Variants in VTCN1 observed in about 807,000 individuals in gnomAD.
VTCN1 encodes the protein V-set domain containing T cell activation inhibitor 1.
In VTCN1, 26 loss-of-function variants were observed where a neutral mutation model predicts 26.5. That is an observed-to-expected ratio of 0.98 (90% CI 0.72 to 1.36). VTCN1 has a LOEUF of 1.36. Ranked by LOEUF, VTCN1 falls within the 40% of genes most tolerant of loss-of-function variation. The pLI is 0.00. For synonymous variants in VTCN1, 116 were observed against 130.7 expected, an observed-to-expected ratio of 0.89 and a Z score of 0.77; for missense variants, 298 against 337.7, an observed-to-expected ratio of 0.88 and a Z score of 0.92.
chr1:117,170,535 C>T (rs1329197007), intron 1 of VTCN1, among the ~76,000 whole-genome samples: 3 of 152,126 alleles, frequency 2.0e-5, no homozygotes, highest in Non-Finnish European at 4.4e-5. Context: ...CCCAGCCTTC[C>T]CTGAGCATCA....
chr1:117,198,517 C>G (rs184203424), intron 1 of VTCN1, among the ~76,000 whole-genome samples: 2 of 152,320 alleles, frequency 1.3e-5, no homozygotes, highest in East Asian at 1.9e-4. Context: ...ACATTTGGCT[C>G]CAGTGGCTGC....
intron 4 of VTCN1, among the ~76,000 whole-genome samples, chr1:117,150,522 TA>T (rs972821885): frequency 6.6e-6 from 1 of 152,228 alleles, no homozygotes; most frequent in Non-Finnish European, 1.5e-5. Context: ...TACAGGCAAC[TA>T]ATAATCCTAA....
rs1652668692 is a variant in VTCN1, at chr1:117,167,289, C to T, written c.97+2818G>A. The stretch of plus-strand genomic sequence containing the variant: ...TTATAACTTTATTCCATGTAACCAT[C>T]ATCACACCAAGAAATAGAACCTTAC... On this transcript the variant is annotated intron_variant, in intron 2 of 5. Coordinates refer to ENST00000369458, the MANE Select transcript of VTCN1 (RefSeq NM_024626.4). The surrounding 1 kb of genome is among the most constrained non-coding windows in gnomAD (Gnocchi z 4.1). Among the ~76,000 whole-genome samples, 1 of 152,056 alleles carries T rather than the reference C, an allele frequency of 6.6e-6. No homozygotes were observed. Among genetic ancestry groups the T allele is most frequent in the Non-Finnish European group, 1.5e-5 (1 of 68,000 alleles).
chr1:117,143,653 A>G lies in VTCN1; in HGVS notation c.*1618T>C, dbSNP rs760542110. ...AGAACTCTAAAATCAGTTTTCTATA[A>G]CAACATGTAATACAGTCACCGTGGC... On this transcript the variant is annotated 3_prime_UTR_variant, in exon 6 of 6. Coordinates refer to ENST00000369458, the MANE Select transcript of VTCN1 (RefSeq NM_024626.4). 2.6e-5 allele frequency: 4 copies of G among 152,184 alleles called. No individual in the cohort carries two copies. The highest frequency in any genetic ancestry group is 5.9e-5 in the Non-Finnish European group (4 of 68,022). 9.4% of individuals were successfully genotyped at this position (152,184 alleles called of 1,614,324 possible).
intron 1 of VTCN1, among the ~76,000 whole-genome samples, chr1:117,196,082 G>A (rs1648493923): frequency 6.6e-6 from 1 of 152,132 alleles, no homozygotes. Flanking sequence ...ATCCTGGGAA[G>A]TTGAGGCTGC....
chr1:117,194,242 G>A (rs546332351), intron 1 of VTCN1, among the ~76,000 whole-genome samples: 2 of 151,956 alleles, frequency 1.3e-5, no homozygotes, highest in Non-Finnish European at 1.5e-5. Context: ...AAGAAGATAC[G>A]TAAATGGCTA....
At chr1:117,171,789 A>G (rs561628070) in intron 1 of VTCN1, among the ~76,000 whole-genome samples, 1 of 152,340 alleles carries the variant, frequency 6.6e-6, no homozygotes, top group South Asian at 2.1e-4. Context: ...GAGATTAAGC[A>G]TCTTCCCTAA....
At position 117,153,371 on chromosome 1, in the gene VTCN1, T is replaced by A; in HGVS notation, c.446-2A>T. 1 of 1,600,402 alleles carries A rather than the reference T, an allele frequency of 6.2e-7. No individual in the cohort carries two copies. Among genetic ancestry groups the A allele is most frequent in the South Asian group, 1.1e-5 (1 of 90,160 alleles). On this transcript the variant is annotated splice_acceptor_variant, in intron 3 of 5. Coordinates refer to ENST00000369458, the MANE Select transcript of VTCN1 (RefSeq NM_024626.4). LOFTEE classifies it high-confidence loss of function. ...CATTCACTTCCGGCATGCTGAAGGCTGCAGGGTCAAAAGTCAGAAAGGGCA... is the reference window on the plus strand; with the variant it reads ...CATTCACTTCCGGCATGCTGAAGGCAGCAGGGTCAAAAGTCAGAAAGGGCA...
rs61603048 is a variant in VTCN1, at chr1:117,167,090, CAAA to C, written c.97+3014_97+3016del. 9.3e-6 allele frequency among the ~76,000 whole-genome samples: 1 copy of C among 107,486 alleles called. No homozygotes were observed. Among genetic ancestry groups the C allele is most frequent in the Non-Finnish European group, 2.2e-5 (1 of 46,214 alleles). 70.5% of individuals were successfully genotyped at this position (107,486 alleles called of 152,430 possible). A position where few individuals can be genotyped will look rare whatever the true frequency, so the allele number is the denominator to read the frequency against. On this transcript the variant is annotated intron_variant, in intron 2 of 5. Transcript: ENST00000369458. The surrounding 1 kb of genome is among the most constrained non-coding windows in gnomAD (Gnocchi z 4.1). The stretch of plus-strand genomic sequence containing the variant: ...CCTGAGCGACAGAGCAAGACTGTCT[CAAA>C]AAAAAAAAAAAGAATATATATGTAT...
intron 1 of VTCN1, among the ~76,000 whole-genome samples, chr1:117,205,176 A>AG (rs1205141454): frequency 3.4e-5 from 5 of 148,778 alleles, no homozygotes; most frequent in Non-Finnish European, 5.9e-5. Flanking sequence ...AGAGAGAGAG[A>AG]GGGGGGTCTC....
In VTCN1 at chr1:117,158,856, A is replaced by G. The variant is rs180831780; in HGVS notation, c.98-1935T>C. Among the ~76,000 whole-genome samples the G allele has an allele frequency of 1.9e-3, 293 of 152,192 alleles. 2 individuals carry two copies. The highest frequency in any genetic ancestry group is 6.9e-3 in the African/African-American group (287 of 41,540). ...AAATTTCTTCCACCAGATACCCCAA[A>G]TCATCTCTCTCAAGTTCAAAGTTCC... On this transcript the variant is annotated intron_variant, in intron 2 of 5. Coordinates refer to ENST00000369458, the MANE Select transcript of VTCN1 (RefSeq NM_024626.4).
At chr1:117,180,257 T>C (rs1203755602) in intron 1 of VTCN1, among the ~76,000 whole-genome samples, 1 of 152,204 alleles carries the variant, frequency 6.6e-6, no homozygotes, top group Non-Finnish European at 1.5e-5. Flanking sequence ...AAAGCCATTC[T>C]ATATTATTCT....
At chr1:117,179,975 C>G (rs890949432) in intron 1 of VTCN1, among the ~76,000 whole-genome samples, 1 of 152,132 alleles carries the variant, frequency 6.6e-6, no homozygotes, top group South Asian at 2.1e-4. Context: ...CATCGTTGGT[C>G]TTAACCATTA....
intron 1 of VTCN1, among the ~76,000 whole-genome samples, chr1:117,193,577 A>AC (rs60711381): frequency 0.77 from 117,573 of 152,052 alleles, 45,683 homozygotes; most frequent in East Asian, 0.99. Context: ...TATGCATCCA[A>AC]CTTGGAGCAT....
intron 1 of VTCN1, among the ~76,000 whole-genome samples, chr1:117,194,256 G>T (rs1342867493): frequency 6.6e-6 from 1 of 151,970 alleles, no homozygotes; most frequent in East Asian, 1.9e-4. Context: ...ATGGCTAACG[G>T]GCAAATGAAA....
At chr1:117,207,752 G>A (rs1221385944) in intron 1 of VTCN1, among the ~76,000 whole-genome samples, 2 of 152,136 alleles carry the variant, frequency 1.3e-5, no homozygotes, top group Non-Finnish European at 2.9e-5. Context: ...AAACATGGTA[G>A]TCATTCCAGG....
intron 2 of VTCN1, among the ~76,000 whole-genome samples, chr1:117,160,622 T>G (rs77520432): frequency 0.054 from 8,169 of 152,314 alleles, 263 homozygotes; most frequent in South Asian, 0.079. Context: ...CAGCCTTCTC[T>G]CCAACTACAT....
intron 1 of VTCN1, 147 bp from the exon 2 acceptor site, chr1:117,170,318 C>T (rs368585991): frequency 8.9e-5 from 71 of 795,842 alleles, no homozygotes; most frequent in Non-Finnish European, 1.2e-4. Context: ...TTCCTAGAAA[C>T]GGGTACCTTA....
At chr1:117,163,121 C>T (rs772606327) in intron 2 of VTCN1, among the ~76,000 whole-genome samples, 4 of 152,114 alleles carry the variant, frequency 2.6e-5, no homozygotes, top group South Asian at 2.1e-4. Context: ...CCAAAGAAGA[C>T]GGTGGGGTGG....
Sources: gnomAD v4.1 joint callset for allele counts (sites outside exome capture counted in the v4.1 genomes callset) on GRCh38, gnomAD v4.1.1 for gene constraint, Gnocchi (gnomAD v3.1) non-coding constraint, MANE v1.5 for transcripts, NCBI Gene and HGNC (gene_info 2026-07-23, HGNC 2026-07-21) for gene names.